The following ADORA1 variants were observed in gnomAD, a reference collection of about 807,000 sequenced individuals.
ADORA1 encodes adenosine A1 receptor.
Under a neutral mutation model 19.9 loss-of-function variants are expected in ADORA1, and 6 were observed. The observed-to-expected ratio is 0.30, with a 90% CI of 0.17 to 0.59. The LOEUF is 0.59. ADORA1 is among the 20% of genes least tolerant of loss of function. The probability of loss-of-function intolerance (pLI) is 0.87; values close to 1 mark genes in which losing one functional copy is unlikely to be tolerated. For synonymous variants in ADORA1, 194 were observed against 188.4 expected (o/e 1.03, Z -0.24); for missense variants, 302 against 439.2 (o/e 0.69, Z 2.79).
At chr1:203,160,982 G>A (rs1655345480) in intron 3 of ADORA1, among the ~76,000 whole-genome samples, 1 of 152,212 alleles carries the variant, frequency 6.6e-6, no homozygotes, top group Non-Finnish European at 1.5e-5. Flanking sequence ...AGGGTGTCCA[G>A]GGAAGAACCA....
In ADORA1 at chr1:203,128,269, G is replaced by T. The variant is rs1485273230; in HGVS notation, c.-212-9G>T. ...TGAGTCTCTGCCGTACCATGTGATT[G>T]CTTGAAAGGCCGGGCTGGGAGCGCT... On this transcript the variant is annotated splice_polypyrimidine_tract_variant and intron_variant, in intron 1 of 3. Transcript: ENST00000337894. This position sits in a 1 kb window ranked among gnomAD's most constrained non-coding sequence, Gnocchi z 5.9. The T allele has an allele frequency of 8.0e-7, 1 of 1,242,456 alleles. No individual in the cohort carries two copies. Among genetic ancestry groups the T allele is most frequent in the South Asian group, 1.3e-5 (1 of 78,350 alleles). The allele number at this position is 1,242,456 out of a possible 1,614,324, so 77.0% of individuals were successfully genotyped here.
At chr1:203,155,282 T>A (rs535296340) in intron 3 of ADORA1, among the ~76,000 whole-genome samples, 2 of 152,128 alleles carry the variant, frequency 1.3e-5, no homozygotes, top group African/African-American at 4.8e-5. Flanking sequence ...CCTCAAGTGA[T>A]CCACCTGCCT....
rs367917658 is a variant in ADORA1 at position 203,165,397 on chromosome 1, G to A, written c.478G>A (p.Gly160Ser). 1.2e-5 allele frequency: 20 copies of A among 1,609,938 alleles called. No individual in the cohort carries two copies. Among genetic ancestry groups the A allele is most frequent in the African/African-American group, 6.7e-5 (5 of 74,902 alleles). ...SAVERAWAANGSMGEPVIKCE... is the reference protein window; with the variant it reads ...SAVERAWAANSSMGEPVIKCE... ...GGTGGAGCGGGCCTGGGCAGCCAAC[G>A]GCAGCATGGGGGAGCCCGTGATCAA... is the stretch of plus-strand genomic sequence containing the variant. Residue 160 changes from glycine (G) to serine (S), a missense_variant, in exon 4 of 4, where the codon GGC (glycine) becomes AGC (serine). By Grantham distance (56) the Gly-to-Ser change is moderately conservative. Transcript: ENST00000337894. The surrounding 1 kb of genome is among the most constrained non-coding windows in gnomAD (Gnocchi z 5.9).
Position 203,165,252 on chromosome 1 carries a change from C to A in ADORA1, c.342-9C>A. ...GCAGATCCTCACACTCTGCCCTCCT[C>A]TCCCCCAGGTACAAGATGGTGGTGA... On this transcript the variant is annotated splice_polypyrimidine_tract_variant and intron_variant, in intron 3 of 3. Transcript: ENST00000337894. The surrounding 1 kb of genome is among the most constrained non-coding windows in gnomAD (Gnocchi z 5.9). 1 of 1,593,090 alleles carries A rather than the reference C, an allele frequency of 6.3e-7. No homozygotes were observed.
rs761937437 is a variant in ADORA1, at chr1:203,128,262, T to A, written c.-212-16T>A. 7.5e-6 allele frequency: 9 copies of A among 1,201,664 alleles called. No homozygotes were observed. The highest frequency in any genetic ancestry group is 9.8e-6 in the Non-Finnish European group (9 of 916,476). 74.4% of individuals were successfully genotyped at this position (1,201,664 alleles called of 1,614,324 possible). A position where few individuals can be genotyped will look rare whatever the true frequency, so the allele number is the denominator to read the frequency against. ...CCGGGGCTGAGTCTCTGCCGTACCA[T>A]GTGATTGCTTGAAAGGCCGGGCTGG... On this transcript the variant is annotated splice_polypyrimidine_tract_variant and intron_variant, in intron 1 of 3. Transcript: ENST00000337894. The surrounding 1 kb of genome is among the most constrained non-coding windows in gnomAD (Gnocchi z 5.9).
At chr1:203,131,191 G>T (rs1405713318) in intron 3 of ADORA1, among the ~76,000 whole-genome samples, 1 of 152,170 alleles carries the variant, frequency 6.6e-6, no homozygotes, top group East Asian at 1.9e-4. Context: ...AGTGTGGCTG[G>T]ATAGGTGAGC....
At chr1:203,129,603 A>T (rs549979539) in intron 3 of ADORA1, 1 of 173,044 alleles carries the variant, frequency 5.8e-6, no homozygotes. Flanking sequence ...GGGTGGGAAC[A>T]TACTGAGGGT....
At position 203,165,953 on chromosome 1, in the gene ADORA1, C is replaced by T; in HGVS notation, c.*53C>T. 1.3e-6 allele frequency: 2 copies of T among 1,504,916 alleles called. No homozygotes were observed. The highest frequency in any genetic ancestry group is 1.8e-6 in the Non-Finnish European group (2 of 1,131,450). The allele number at this position is 1,504,916 out of a possible 1,614,324, so 93.2% of individuals were successfully genotyped here. A position where few individuals can be genotyped will look rare whatever the true frequency, so the allele number is the denominator to read the frequency against. ...CATCCAGTGGGGTCTCAGTCCAGTCCTCACATGCCCGCTGTCCCAGGGGTC... is the reference window on the plus strand; with the variant it reads ...CATCCAGTGGGGTCTCAGTCCAGTCTTCACATGCCCGCTGTCCCAGGGGTC... On this transcript the variant is annotated 3_prime_UTR_variant, in exon 4 of 4. Transcript: ENST00000337894. This position sits in a 1 kb window ranked among gnomAD's most constrained non-coding sequence, Gnocchi z 5.9.
intron 3 of ADORA1, among the ~76,000 whole-genome samples, chr1:203,146,626 CAA>C (rs543486969): frequency 2.5e-4 from 24 of 95,258 alleles, no homozygotes; most frequent in Non-Finnish European, 2.5e-4. Context: ...AAGCCTGTCT[CAA>C]AAAAAAAAAA....
At chr1:203,157,203 CA>C (rs1303392949) in intron 3 of ADORA1, among the ~76,000 whole-genome samples, 6 of 152,214 alleles carry the variant, frequency 3.9e-5, no homozygotes, top group African/African-American at 1.4e-4. Flanking sequence ...CATCCTAAGG[CA>C]AATTTCCTTC....
At chr1:203,132,025 C>T (rs1012412475) in intron 3 of ADORA1, among the ~76,000 whole-genome samples, 2 of 152,290 alleles carry the variant, frequency 1.3e-5, no homozygotes, top group African/African-American at 2.4e-5. Flanking sequence ...CAGTCAACCA[C>T]AAATTTTCTT....
intron 3 of ADORA1, among the ~76,000 whole-genome samples, chr1:203,163,767 G>A (rs1655445059): frequency 1.3e-5 from 2 of 152,158 alleles, no homozygotes; most frequent in South Asian, 4.1e-4. Context: ...TTTGATGGAT[G>A]GTGAAGGATC....
intron 3 of ADORA1, among the ~76,000 whole-genome samples, chr1:203,140,720 C>T (rs1218596341): frequency 1.3e-5 from 2 of 152,214 alleles, no homozygotes; most frequent in Admixed American, 1.3e-4. Context: ...CTTTCTCAGG[C>T]TGGGACCACA....
rs1558141095 is a variant in ADORA1 at position 203,165,833 on chromosome 1, A to T, written c.914A>T (p.Asp305Val). 6.2e-7 allele frequency: 1 copy of T among 1,605,018 alleles called. No individual in the cohort carries two copies. Among genetic ancestry groups the T allele is most frequent in the South Asian group, 1.1e-5 (1 of 89,502 alleles). Residue 305 changes from aspartate to valine, a missense_variant, in exon 4 of 4, where the codon GAC becomes GTC. Transcript: ENST00000337894. This position sits in a 1 kb window ranked among gnomAD's most constrained non-coding sequence, Gnocchi z 5.9. Reference protein sequence around the residue: ...FRVTFLKIWNDHFRCQPAPPI... With the variant: ...FRVTFLKIWNVHFRCQPAPPI... The stretch of plus-strand genomic sequence containing the variant: ...GTCACCTTCCTTAAGATTTGGAATG[A>T]CCATTTCCGCTGCCAGCCTGCACCT...
chr1:203,144,914 C>A (rs1412705073), intron 3 of ADORA1: 2 of 152,304 alleles, frequency 1.3e-5, no homozygotes, highest in African/African-American at 2.4e-5. Flanking sequence ...CACCGACTCA[C>A]ACTCACCTCC....
intron 3 of ADORA1, among the ~76,000 whole-genome samples, chr1:203,153,057 CA>C (rs1655087237): frequency 6.6e-6 from 1 of 152,148 alleles, no homozygotes; most frequent in African/African-American, 2.4e-5. Flanking sequence ...TGAGCAAATC[CA>C]AACTTCTGTT....
chr1:203,144,179 C>T (rs1654790101), intron 3 of ADORA1, among the ~76,000 whole-genome samples: 1 of 151,708 alleles, frequency 6.6e-6, no homozygotes. Context: ...GCTCAGATGA[C>T]ACCTCCCCCA....
intron 3 of ADORA1, among the ~76,000 whole-genome samples, chr1:203,132,423 G>C (rs1175432296): frequency 6.6e-6 from 1 of 152,204 alleles, no homozygotes; most frequent in African/African-American, 2.4e-5. Context: ...AGTGGAGTGA[G>C]GGATGGTGGG....
intron 3 of ADORA1, among the ~76,000 whole-genome samples, chr1:203,141,134 C>A (rs1478395219): frequency 1.1e-5 from 1 of 90,152 alleles, no homozygotes; most frequent in East Asian, 1.9e-4. Flanking sequence ...TTAGCCCAGC[C>A]CTGATGGCAG....
Sources: allele counts gnomAD v4.1 joint callset (sites outside exome capture counted in the v4.1 genomes callset), GRCh38; gene constraint gnomAD v4.1.1; non-coding constraint Gnocchi (gnomAD v3.1); transcripts MANE v1.5; gene names NCBI Gene and HGNC (gene_info 2026-07-23, HGNC 2026-07-21).